Variants in CADPS2 observed in about 807,000 individuals in gnomAD.
CADPS2 encodes calcium dependent secretion activator 2.
CADPS2 carries 93 observed loss-of-function variants against 172.5 expected under a neutral mutation model. That is an observed-to-expected ratio of 0.54 (90% confidence interval 0.46 to 0.64). The LOEUF (loss-of-function observed/expected upper bound fraction) is 0.64, where lower values mean the gene tolerates loss of function less well. Ranked by LOEUF, CADPS2 falls within the 30% of genes least tolerant of loss-of-function variation. The pLI is 0.00. For synonymous variants in CADPS2, 546 were observed against 555.2 expected, an observed-to-expected ratio of 0.98 and a Z score of 0.23; for missense variants, 1,420 against 1,565.9, an observed-to-expected ratio of 0.91 and a Z score of 1.57.
intron 1 of CADPS2, among the ~76,000 whole-genome samples, chr7:122,816,972 T>C (rs982241837): frequency 6.6e-6 from 1 of 151,074 alleles, no homozygotes; most frequent in East Asian, 1.9e-4. Flanking sequence ...ACTGAACACC[T>C]TGCGACCCCC....
intron 2 of CADPS2, among the ~76,000 whole-genome samples, chr7:122,677,221 T>G (rs772146396): frequency 3.9e-5 from 6 of 152,200 alleles, no homozygotes; most frequent in Non-Finnish European, 8.8e-5. Context: ...GAATTTCTGG[T>G]GCTATAAGTT....
chr7:122,721,844 C>T (rs187124029), intron 2 of CADPS2, among the ~76,000 whole-genome samples: 17 of 152,164 alleles, frequency 1.1e-4, no homozygotes, highest in South Asian at 6.2e-4. Context: ...TTATCCACCA[C>T]GATCAAGTGG....
intron 24 of CADPS2, 37 bp downstream of exon 24, chr7:122,386,989 C>CT (rs1734216370): frequency 6.5e-7 from 1 of 1,544,292 alleles, no homozygotes; most frequent in Non-Finnish European, 8.8e-7. Context: ...CCAAGGCACC[C>CT]TGTGCTGCCT....
chr7:122,560,838 G>A (rs1335800001), intron 7 of CADPS2, among the ~76,000 whole-genome samples: 1 of 152,008 alleles, frequency 6.6e-6, no homozygotes, highest in African/African-American at 2.4e-5. Context: ...AGAACCTTGA[G>A]GTAGCATATA....
intron 3 of CADPS2, among the ~76,000 whole-genome samples, chr7:122,659,619 T>C (rs1247402073): frequency 2.0e-5 from 3 of 151,804 alleles, no homozygotes; most frequent in Non-Finnish European, 2.9e-5. Context: ...AAATTAATAA[T>C]AGACACTGAC....
At chr7:122,439,742 G>GA (rs1435237128) in intron 16 of CADPS2, among the ~76,000 whole-genome samples, 4 of 152,202 alleles carry the variant, frequency 2.6e-5, no homozygotes, top group South Asian at 4.1e-4. Flanking sequence ...TTTGCAGCCA[G>GA]AAAAATCCTT....
At chr7:122,758,505 G>A (rs2093258093) in intron 1 of CADPS2, among the ~76,000 whole-genome samples, 1 of 152,056 alleles carries the variant, frequency 6.6e-6, no homozygotes, top group Non-Finnish European at 1.5e-5. Flanking sequence ...ATGATTATGT[G>A]AAATAATATT....
At chr7:122,674,232 A>G (rs2082173889) in intron 2 of CADPS2, among the ~76,000 whole-genome samples, 1 of 152,172 alleles carries the variant, frequency 6.6e-6, no homozygotes. Context: ...CCCTGCAAGC[A>G]GAGGGAGCCA....
chr7:122,882,519 T>C (rs1368858313), intron 1 of CADPS2, among the ~76,000 whole-genome samples: 39 of 152,146 alleles, frequency 2.6e-4, no homozygotes, highest in Admixed American at 2.5e-3. Context: ...AGACCTGAAG[T>C]CTGTGAACTC....
intron 2 of CADPS2, among the ~76,000 whole-genome samples, chr7:122,682,472 T>C (rs189883365): frequency 6.6e-6 from 1 of 152,236 alleles, no homozygotes; most frequent in Non-Finnish European, 1.5e-5. Flanking sequence ...AAAATGTTTT[T>C]CTTGTTTTGC....
At chr7:122,738,578 A>T (rs1298005624) in intron 1 of CADPS2, among the ~76,000 whole-genome samples, 1 of 152,152 alleles carries the variant, frequency 6.6e-6, no homozygotes, top group African/African-American at 2.4e-5. Context: ...GATGTGAAGC[A>T]TCTGGAAACA....
intron 24 of CADPS2, among the ~76,000 whole-genome samples, chr7:122,383,372 C>T (rs1373749701): frequency 6.6e-6 from 1 of 151,916 alleles, no homozygotes; most frequent in Admixed American, 6.6e-5. Context: ...GAAAAACGAC[C>T]TATTGAGTAC....
At chr7:122,649,829 T>C (rs2078946068) in intron 3 of CADPS2, among the ~76,000 whole-genome samples, 1 of 151,072 alleles carries the variant, frequency 6.6e-6, no homozygotes, top group Non-Finnish European at 1.5e-5. Flanking sequence ...AGGGAAGGAA[T>C]CAAATCTTGT....
intron 7 of CADPS2, among the ~76,000 whole-genome samples, chr7:122,569,282 C>T (rs1178920162): frequency 1.9e-4 from 29 of 151,990 alleles, no homozygotes; most frequent in Admixed American, 3.9e-4. Context: ...CCATTCACAA[C>T]TGCTTCAAAG....
At chr7:122,645,656 A>ATATAT (rs2078440969) in intron 3 of CADPS2, among the ~76,000 whole-genome samples, 1 of 18,496 alleles carries the variant, frequency 5.4e-5, no homozygotes, top group Admixed American at 1.1e-3. Context: ...ATATATCTCT[A>ATATAT]AGATATATAT....
intron 3 of CADPS2, among the ~76,000 whole-genome samples, chr7:122,656,594 T>C (rs1013233913): frequency 2.6e-5 from 4 of 152,050 alleles, no homozygotes; most frequent in African/African-American, 9.7e-5. Context: ...TGAGATTTAA[T>C]CAGATTAGAG....
rs897699580 is a variant in CADPS2 at position 122,558,544 on chromosome 7, C to T, written c.1336-3855G>A. Among the ~76,000 whole-genome samples the T allele has an allele frequency of 2.6e-5, 4 of 152,100 alleles. No homozygotes were observed. In the East Asian group the frequency reaches 7.7e-4, roughly 29 times the overall value. ...CTTAAACATAAAGCTAATGTATCTT[C>T]TTCATAATAAAATGTCAGTGTCACT... On this transcript the variant is annotated intron_variant, in intron 7 of 29. Transcript: ENST00000449022.
intron 1 of CADPS2, among the ~76,000 whole-genome samples, chr7:122,784,583 G>A (rs1214704002): frequency 6.6e-6 from 1 of 152,194 alleles, no homozygotes; most frequent in Non-Finnish European, 1.5e-5. Flanking sequence ...GATATAAGTT[G>A]AAAGTAAGAT....
At chr7:122,471,323 T>C in intron 14 of CADPS2, 52 bp downstream of exon 14, 2 of 1,457,190 alleles carry the variant, frequency 1.4e-6, no homozygotes, top group Non-Finnish European at 1.8e-6. Flanking sequence ...TTTTTCTCTC[T>C]TTTCCATAGT....
Sources: allele counts gnomAD v4.1 joint callset (sites outside exome capture counted in the v4.1 genomes callset), GRCh38; gene constraint gnomAD v4.1.1; transcripts MANE v1.5; gene names NCBI Gene and HGNC (gene_info 2026-07-23, HGNC 2026-07-21).